The following GRM7 variants were observed in gnomAD, a reference collection of about 807,000 sequenced individuals.
GRM7 encodes metabotropic glutamate receptor 7.
In GRM7, 35 loss-of-function variants were observed where a neutral mutation model predicts 84.5. That is an observed-to-expected ratio of 0.41 (90% CI 0.32 to 0.55). The LOEUF (loss-of-function observed/expected upper bound fraction) is 0.55, where lower values mean the gene tolerates loss of function less well. Among genes scored for constraint, GRM7 ranks in the 20% least tolerant of loss-of-function variants. The pLI, the probability that GRM7 is intolerant of heterozygous loss-of-function variation, is 0.19. For missense variants in GRM7, 1,003 were observed against 1,194.6 expected (o/e 0.84, Z 2.36); for synonymous variants, 487 against 455.1 (o/e 1.07, Z -0.89).
intron 4 of GRM7, among the ~76,000 whole-genome samples, chr3:7,363,992 CT>C (rs1331869791): frequency 6.6e-6 from 1 of 151,992 alleles, no homozygotes; most frequent in African/African-American, 2.4e-5. Context: ...TATTCTCCAA[CT>C]GTTAAGAGTT....
At chr3:7,681,124 A>G (rs1368700796) in intron 9 of GRM7, 2 of 152,242 alleles carry the variant, frequency 1.3e-5, no homozygotes, top group South Asian at 4.1e-4. Context: ...AGTAAATTTC[A>G]GATTTAAAAT....
intron 9 of GRM7, among the ~76,000 whole-genome samples, chr3:7,693,280 CATGAGCAAAG>C (rs1005967694): frequency 2.0e-5 from 3 of 152,144 alleles, no homozygotes; most frequent in Admixed American, 6.5e-5. Flanking sequence ...GGCATGGAAA[CATGAGCAAAG>C]GTAATTAAAC....
At chr3:7,410,206 T>G (rs1695866335) in intron 4 of GRM7, among the ~76,000 whole-genome samples, 1 of 152,198 alleles carries the variant, frequency 6.6e-6, no homozygotes, top group Admixed American at 6.5e-5. Context: ...TTACTAGATC[T>G]TCTAACTTAA....
chr3:7,433,316 C>T (rs868155918), intron 5 of GRM7, among the ~76,000 whole-genome samples: 13 of 152,330 alleles, frequency 8.5e-5, no homozygotes, highest in Middle Eastern at 3.4e-3. Flanking sequence ...CACGTGTTTA[C>T]ACTTCCATTC....
intron 1 of GRM7, among the ~76,000 whole-genome samples, chr3:6,887,708 T>A (rs1695755877): frequency 6.6e-6 from 1 of 152,222 alleles, no homozygotes; most frequent in African/African-American, 2.4e-5. Flanking sequence ...CATGTGTTTT[T>A]ATAGCAGCAG....
chr3:7,445,948 C>T (rs1406656435), intron 5 of GRM7, among the ~76,000 whole-genome samples: 1 of 152,132 alleles, frequency 6.6e-6, no homozygotes, highest in African/African-American at 2.4e-5. Context: ...CCTGTGTCCC[C>T]TTCACCCAGA....
intron 1 of GRM7, among the ~76,000 whole-genome samples, chr3:7,085,569 C>G (rs573627661): frequency 5.3e-5 from 8 of 152,172 alleles, no homozygotes; most frequent in African/African-American, 1.9e-4. Context: ...GAGTTGGAAA[C>G]TAGAATAACT....
intron 1 of GRM7, among the ~76,000 whole-genome samples, chr3:6,986,892 A>G (rs575096062): frequency 6.6e-6 from 1 of 152,230 alleles, no homozygotes; most frequent in Non-Finnish European, 1.5e-5. Context: ...ACCTTCAGCT[A>G]TCAGCATAGT....
chr3:6,977,085 C>A (rs1236883372), intron 1 of GRM7, among the ~76,000 whole-genome samples: 2 of 152,112 alleles, frequency 1.3e-5, no homozygotes, highest in South Asian at 2.1e-4. Context: ...GTCCAAGCAC[C>A]ATGGCATATT....
intron 9 of GRM7, among the ~76,000 whole-genome samples, chr3:7,685,056 A>T (rs1387296785): frequency 6.6e-6 from 1 of 152,150 alleles, no homozygotes; most frequent in Non-Finnish European, 1.5e-5. Flanking sequence ...TTCACTTGGC[A>T]GATGTATGTT....
intron 9 of GRM7, among the ~76,000 whole-genome samples, chr3:7,737,992 C>T (rs193241451): frequency 3.6e-4 from 55 of 152,008 alleles, no homozygotes; most frequent in East Asian, 9.7e-4. Flanking sequence ...GGATTACAGG[C>T]GCCCGCCACC....
intron 8 of GRM7, among the ~76,000 whole-genome samples, chr3:7,602,358 T>C (rs1190749222): frequency 2.0e-5 from 3 of 152,158 alleles, no homozygotes; most frequent in Admixed American, 6.6e-5. Flanking sequence ...CACCAAAATT[T>C]AACACAGCTC....
At chr3:7,095,022 T>G (rs1363179284) in intron 1 of GRM7, among the ~76,000 whole-genome samples, 1 of 151,774 alleles carries the variant, frequency 6.6e-6, no homozygotes, top group African/African-American at 2.4e-5. Flanking sequence ...GGCCCATCCC[T>G]GTTGCATTAA....
chr3:6,919,319 C>T (rs531679135), intron 1 of GRM7, among the ~76,000 whole-genome samples: 4 of 151,736 alleles, frequency 2.6e-5, no homozygotes, highest in East Asian at 3.9e-4. Flanking sequence ...CTGCCCCAGC[C>T]GCCTAAGTAG....
rs566875265 is a variant in GRM7, at chr3:7,267,972, T to C, written c.737-30712T>C. ...GTTTCAGAAGGCCCAGTTAGTGCCGTTAGAAAGAAACGCACCTTGCTGCTC... is the reference window on the plus strand; with the variant it reads ...GTTTCAGAAGGCCCAGTTAGTGCCGCTAGAAAGAAACGCACCTTGCTGCTC... On this transcript the variant is annotated intron_variant, in intron 2 of 9. Coordinates refer to ENST00000357716, the MANE Select transcript of GRM7 (RefSeq NM_000844.4). Among the ~76,000 whole-genome samples the C allele has an allele frequency of 9.9e-5, 15 of 152,138 alleles. No individual in the cohort carries two copies. In the South Asian group the frequency reaches 1.5e-3, roughly 15 times the overall value.
rs1559514672 is a variant in GRM7 at position 7,229,751 on chromosome 3, ATATATATAT to A, written c.737-68931_737-68923del. Among the ~76,000 whole-genome samples the A allele has an allele frequency of 3.9e-3, 112 of 28,628 alleles. 4 individuals carry two copies. Among genetic ancestry groups the A allele is most frequent in the East Asian group, 4.6e-3 (3 of 650 alleles). 18.8% of individuals were successfully genotyped at this position (28,628 alleles called of 152,430 possible). ...CATATATATATATATATATATATAT[ATATATATAT>A]TTTTTTTTTTTTTTGGTTGACAGGT... is the stretch of plus-strand genomic sequence containing the variant. On this transcript the variant is annotated intron_variant, in intron 2 of 9. Coordinates refer to ENST00000357716, the MANE Select transcript of GRM7 (RefSeq NM_000844.4).
chr3:7,433,938 T>C (rs564716284), intron 5 of GRM7, among the ~76,000 whole-genome samples: 19 of 152,318 alleles, frequency 1.2e-4, no homozygotes, highest in Admixed American at 5.2e-4. Context: ...AATGGACATC[T>C]TAATATTGGA....
intron 5 of GRM7, among the ~76,000 whole-genome samples, chr3:7,423,528 A>T (rs1208349404): frequency 6.6e-6 from 1 of 152,178 alleles, no homozygotes; most frequent in Admixed American, 6.5e-5. Flanking sequence ...GCTTAGAGTC[A>T]TTTTAGTAGG....
rs756164082 is a variant in GRM7, at chr3:7,461,698, G to C, written c.1491G>C (p.Gln497His). Reference protein sequence around the residue: ...TSNPGYRLIGQWTDELQLNIE... With the variant: ...TSNPGYRLIGHWTDELQLNIE... ...ACCCGGGTTACCGTCTGATCGGGCA[G>C]TGGACAGACGAACTTCAGCTCAATG... is the stretch of plus-strand genomic sequence containing the variant. The change falls in exon 7 of 10, where the codon CAG becomes CAC. Residue 497 changes from glutamine to histidine, a missense_variant. Physicochemically the swap from Gln to His is conservative, Grantham distance 24 (BLOSUM62 0). Coordinates refer to ENST00000357716, the MANE Select transcript of GRM7 (RefSeq NM_000844.4). 3 of 1,613,892 alleles carry C rather than the reference G, an allele frequency of 1.9e-6. No homozygotes were observed. The South Asian group carries it at 3.3e-5, about 18-fold the overall frequency.
Sources: allele counts gnomAD v4.1 joint callset (sites outside exome capture counted in the v4.1 genomes callset), GRCh38; gene constraint gnomAD v4.1.1; transcripts MANE v1.5; gene names NCBI Gene and HGNC (gene_info 2026-07-23, HGNC 2026-07-21).